SNX13: variants seen among roughly 807,000 people sequenced by gnomAD.
SNX13 encodes the protein sorting nexin 13, also known as sorting nexin-13.
SNX13 carries 45 observed loss-of-function variants against 133.6 expected under a neutral mutation model. The observed-to-expected ratio is 0.34, with a 90% CI of 0.27 to 0.43. The LOEUF (loss-of-function observed/expected upper bound fraction) is 0.43. Among genes scored for constraint, SNX13 ranks in the 20% least tolerant of loss-of-function variants. The pLI is 1.00. For missense variants in SNX13, 1,032 were observed against 1,145.1 expected, an observed-to-expected ratio of 0.90 and a Z score of 1.43; for synonymous variants, 414 against 373.9, an observed-to-expected ratio of 1.11 and a Z score of -1.24.
intron 20 of SNX13, among the ~76,000 whole-genome samples, chr7:17,806,937 T>A (rs2128291998): frequency 6.6e-6 from 1 of 152,286 alleles, no homozygotes; most frequent in East Asian, 1.9e-4. Flanking sequence ...GATACTACGC[T>A]TTTCCCACAG....
At chr7:17,904,002 A>T (rs1484603463) in intron 1 of SNX13, among the ~76,000 whole-genome samples, 1 of 152,206 alleles carries the variant, frequency 6.6e-6, no homozygotes, top group Non-Finnish European at 1.5e-5. Context: ...GACACAAAAA[A>T]ACATAAAAAA....
intron 5 of SNX13, chr7:17,881,086 C>A (rs1795281767): frequency 6.6e-6 from 1 of 152,060 alleles, no homozygotes; most frequent in Non-Finnish European, 1.5e-5. Context: ...GCTTTTTCCA[C>A]AGAAAACAAT....
At chr7:17,862,218 A>T (rs138649702) in intron 9 of SNX13, among the ~76,000 whole-genome samples, 512 of 152,312 alleles carry the variant, frequency 3.4e-3, no homozygotes, top group Non-Finnish European at 5.4e-3. Context: ...TAACCATAAC[A>T]TTCTGTTCAA....
At chr7:17,834,730 A>G in intron 14 of SNX13, 31 bp downstream of exon 14, 3 of 1,400,238 alleles carry the variant, frequency 2.1e-6, no homozygotes, top group Non-Finnish European at 3.0e-6. Context: ...CTCAAAAAAG[A>G]TAAAATGATA....
chr7:17,929,480 C>G (rs1801148977), intron 1 of SNX13, among the ~76,000 whole-genome samples: 1 of 152,050 alleles, frequency 6.6e-6, no homozygotes, highest in African/African-American at 2.4e-5. Flanking sequence ...GTCTCTTTAC[C>G]TACTGCACAA....
chr7:17,856,723 G>C (rs1311920330), intron 9 of SNX13, among the ~76,000 whole-genome samples: 2 of 149,134 alleles, frequency 1.3e-5, no homozygotes, highest in South Asian at 2.1e-4. Context: ...GCCTGGTTGA[G>C]GTTGCAATGA....
chr7:17,810,617 C>T (rs1226983693), intron 20 of SNX13, among the ~76,000 whole-genome samples: 1 of 152,160 alleles, frequency 6.6e-6, no homozygotes, highest in Non-Finnish European at 1.5e-5. Context: ...TTCCAAACAA[C>T]AGAAAAAGAG....
At chr7:17,858,609 G>T (rs1246934258) in intron 9 of SNX13, among the ~76,000 whole-genome samples, 1 of 151,782 alleles carries the variant, frequency 6.6e-6, no homozygotes, top group Admixed American at 6.6e-5. Context: ...AATTCTAATA[G>T]GTTTTTAATA....
At chr7:17,794,501 G>A (rs538521380) in intron 25 of SNX13, 14 of 560,576 alleles carry the variant, frequency 2.5e-5, no homozygotes, top group Admixed American at 3.5e-5. Context: ...AAAGCTACTG[G>A]GAGACAATAT....
chr7:17,800,242 T>C (rs1175913789), intron 22 of SNX13, among the ~76,000 whole-genome samples: 1 of 151,760 alleles, frequency 6.6e-6, no homozygotes, highest in African/African-American at 2.4e-5. Context: ...CATCCTAAAA[T>C]AATCTTGAAA....
rs1240254493 is a variant in SNX13 at position 17,827,952 on chromosome 7, A to G, written c.1636-1861T>C. On this transcript the variant is annotated intron_variant, in intron 16 of 25. Coordinates refer to ENST00000428135, the MANE Select transcript of SNX13 (RefSeq NM_015132.5). ...ATTATAAGCCAGCACAGGTAACATA[A>G]AATAATCTATTTTTTTAAAAAAGCA... 2.0e-5 allele frequency among the ~76,000 whole-genome samples: 3 copies of G among 151,724 alleles called. No homozygotes were observed. The East Asian group carries it at 5.8e-4, about 29-fold the overall frequency.
At chr7:17,843,769 T>G (rs907130595) in intron 12 of SNX13, among the ~76,000 whole-genome samples, 2 of 152,016 alleles carry the variant, frequency 1.3e-5, no homozygotes, top group Non-Finnish European at 2.9e-5. Flanking sequence ...AAATTAAAAC[T>G]GGAAAACTCA....
chr7:17,815,616 C>T (rs370864757), intron 19 of SNX13, among the ~76,000 whole-genome samples: 17 of 152,018 alleles, frequency 1.1e-4, no homozygotes, highest in African/African-American at 2.9e-4. Flanking sequence ...AAAAATGGTA[C>T]GAAATAAAGT....
rs1046318784 is a variant in SNX13 at position 17,890,960 on chromosome 7, T to C, written c.319-476A>G. Among the ~76,000 whole-genome samples the C allele has an allele frequency of 2.0e-5, 3 of 151,944 alleles. No individual in the cohort carries two copies. In the South Asian group the frequency reaches 6.2e-4, roughly 31 times the overall value. On this transcript the variant is annotated intron_variant, in intron 4 of 25. Transcript: ENST00000428135. Reference sequence around the variant, plus strand: ...ACAGGAGTTCACTTATTTCTACTAATACCTTTGATACTGCCAACAGTATTC... The same window carrying C: ...ACAGGAGTTCACTTATTTCTACTAACACCTTTGATACTGCCAACAGTATTC...
intron 1 of SNX13, among the ~76,000 whole-genome samples, chr7:17,923,220 A>G (rs978934015): frequency 2.0e-5 from 3 of 152,238 alleles, no homozygotes; most frequent in Admixed American, 1.3e-4. Context: ...AGAAAGCAAA[A>G]CAAGAAAGTT....
At chr7:17,822,962 T>C (rs1055084747) in intron 17 of SNX13, among the ~76,000 whole-genome samples, 3 of 152,176 alleles carry the variant, frequency 2.0e-5, no homozygotes, top group African/African-American at 7.2e-5. Context: ...ACATTTCTTG[T>C]TTTTCTACTG....
intron 5 of SNX13, chr7:17,882,797 A>T: frequency 8.1e-7 from 1 of 1,242,036 alleles, no homozygotes; most frequent in African/African-American, 1.6e-5. Context: ...AATTCCCTGT[A>T]ATTTCAGAGC....
chr7:17,814,891 C>CT lies in SNX13; in HGVS notation c.2006_2007insA (p.Tyr670ValfsTer2). 6.5e-7 allele frequency: 1 copy of CT among 1,547,022 alleles called. No individual in the cohort carries two copies. Among genetic ancestry groups the CT allele is most frequent in the Non-Finnish European group, 8.7e-7 (1 of 1,154,184 alleles). On this transcript the variant is annotated frameshift_variant, in exon 20 of 26. Coordinates refer to ENST00000428135, the MANE Select transcript of SNX13 (RefSeq NM_015132.5). LOFTEE classifies it high-confidence loss of function. Reference sequence around the variant, plus strand: ...AGGCTTTGTTCTCAAGGAAATCATACACATAGTGAGCTAAAGCGGGGGATG... The same window carrying CT: ...AGGCTTTGTTCTCAAGGAAATCATACTACATAGTGAGCTAAAGCGGGGGATG...
At chr7:17,836,708 A>G (rs1347771431) in intron 13 of SNX13, among the ~76,000 whole-genome samples, 2 of 152,112 alleles carry the variant, frequency 1.3e-5, no homozygotes, top group African/African-American at 4.8e-5. Flanking sequence ...ATACAACAAT[A>G]TGTAATTTAC....
Sources: allele counts gnomAD v4.1 joint callset (sites outside exome capture counted in the v4.1 genomes callset), GRCh38; gene constraint gnomAD v4.1.1; transcripts MANE v1.5; gene names NCBI Gene and HGNC (gene_info 2026-07-23, HGNC 2026-07-21).